Variants in PTPRT observed in about 807,000 individuals in gnomAD.
PTPRT encodes receptor-type tyrosine-protein phosphatase T.
A neutral mutation model predicts 176.8 loss-of-function variants in PTPRT; 56 were observed. That is an observed-to-expected ratio of 0.32 (90% CI 0.26 to 0.40). The LOEUF (loss-of-function observed/expected upper bound fraction) is 0.40, where lower values mean the gene tolerates loss of function less well. Among genes scored for constraint, PTPRT ranks in the 10% least tolerant of loss-of-function variants. PTPRT has a pLI of 1.00. For synonymous variants in PTPRT, 783 were observed against 739.0 expected (o/e 1.06, Z -0.96); for missense variants, 1,540 against 1,908.2 (o/e 0.81, Z 3.60).
intron 9 of PTPRT, among the ~76,000 whole-genome samples, chr20:42,370,816 TG>T (rs2058576911): frequency 6.6e-6 from 1 of 152,184 alleles, no homozygotes; most frequent in Non-Finnish European, 1.5e-5. Flanking sequence ...AGATCACACA[TG>T]GTCTTGCCCT....
chr20:43,092,339 A>G (rs2011913440), intron 1 of PTPRT, among the ~76,000 whole-genome samples: 1 of 152,230 alleles, frequency 6.6e-6, no homozygotes, highest in African/African-American at 2.4e-5. Context: ...TGGCATTTCC[A>G]GATGTCCATT....
chr20:42,470,539 G>C (rs1019592688), intron 8 of PTPRT, among the ~76,000 whole-genome samples: 4 of 152,076 alleles, frequency 2.6e-5, no homozygotes, highest in African/African-American at 9.7e-5. Context: ...CATCCCACAA[G>C]GCAAGAGGCA....
intron 8 of PTPRT, among the ~76,000 whole-genome samples, chr20:42,453,662 T>C (rs2070871350): frequency 7.1e-6 from 1 of 140,178 alleles, no homozygotes; most frequent in East Asian, 2.1e-4. Context: ...TCCTTTTTTT[T>C]CTTTTTCTTT....
At chr20:42,501,157 C>T (rs2071744567) in intron 7 of PTPRT, among the ~76,000 whole-genome samples, 1 of 152,068 alleles carries the variant, frequency 6.6e-6, no homozygotes, top group East Asian at 1.9e-4. Context: ...TTGATAACTT[C>T]ATTGTTTGTA....
chr20:42,426,247 C>A (rs1312270963), intron 9 of PTPRT, among the ~76,000 whole-genome samples: 1 of 152,038 alleles, frequency 6.6e-6, no homozygotes, highest in Non-Finnish European at 1.5e-5. Context: ...AAAACCCAAA[C>A]CCCGGGCTCC....
chr20:42,105,252 A>G (rs1223072328), intron 24 of PTPRT, among the ~76,000 whole-genome samples: 2 of 152,174 alleles, frequency 1.3e-5, no homozygotes, highest in Non-Finnish European at 2.9e-5. Context: ...CAACTTGTTA[A>G]AGTAGCCTTT....
chr20:43,047,922 C>T (rs535237440), intron 1 of PTPRT, among the ~76,000 whole-genome samples: 80 of 152,306 alleles, frequency 5.3e-4, no homozygotes, highest in African/African-American at 1.8e-3. Flanking sequence ...TCAGGACTCT[C>T]TCATCACCAC....
At chr20:42,515,510 T>G (rs1360267342) in intron 7 of PTPRT, among the ~76,000 whole-genome samples, 1 of 151,846 alleles carries the variant, frequency 6.6e-6, no homozygotes, top group East Asian at 1.9e-4. Context: ...CATGGACGAG[T>G]GTTGTTCAGC....
intron 6 of PTPRT, among the ~76,000 whole-genome samples, chr20:42,716,274 G>C (rs2076221719): frequency 6.6e-6 from 1 of 152,112 alleles, no homozygotes; most frequent in Non-Finnish European, 1.5e-5. Context: ...CCCAGTAATG[G>C]GATGGCTGGG....
At chr20:42,239,308 A>G (rs1013318139) in intron 14 of PTPRT, among the ~76,000 whole-genome samples, 1 of 151,792 alleles carries the variant, frequency 6.6e-6, no homozygotes, top group Non-Finnish European at 1.5e-5. Context: ...CATTCCCACT[A>G]TTCTGATGGA....
At chr20:42,810,795 A>G (rs1456008486) in intron 2 of PTPRT, among the ~76,000 whole-genome samples, 1 of 152,226 alleles carries the variant, frequency 6.6e-6, no homozygotes, top group Non-Finnish European at 1.5e-5. Flanking sequence ...TGGAAAAACT[A>G]GATTACTTCC....
chr20:42,590,781 T>C (rs961159764), intron 7 of PTPRT, among the ~76,000 whole-genome samples: 1 of 152,170 alleles, frequency 6.6e-6, no homozygotes, highest in African/African-American at 2.4e-5. Flanking sequence ...TGAGAAAGCC[T>C]GCTCACTTAA....
At chr20:42,941,273 GAAAT>G (rs1440711155) in intron 1 of PTPRT, among the ~76,000 whole-genome samples, 1 of 152,016 alleles carries the variant, frequency 6.6e-6, no homozygotes, top group Non-Finnish European at 1.5e-5. Flanking sequence ...CCTCATCAAT[GAAAT>G]AAGATGGTGA....
chr20:42,697,729 G>C (rs2075904420), intron 6 of PTPRT, among the ~76,000 whole-genome samples: 1 of 152,220 alleles, frequency 6.6e-6, no homozygotes, highest in Non-Finnish European at 1.5e-5. Flanking sequence ...TTGTGGGCAT[G>C]TACACAATAA....
chr20:43,048,757 CCA>C (rs1986934666), intron 1 of PTPRT, among the ~76,000 whole-genome samples: 2 of 152,156 alleles, frequency 1.3e-5, no homozygotes, highest in African/African-American at 4.8e-5. Flanking sequence ...GCCATCTGCT[CCA>C]CAACAGAGAG....
chr20:42,869,792 G>T (rs771417241), intron 2 of PTPRT, among the ~76,000 whole-genome samples: 4 of 152,202 alleles, frequency 2.6e-5, no homozygotes, highest in Non-Finnish European at 5.9e-5. Context: ...AAGTGCAGGT[G>T]TACCTGCAAA....
chr20:42,801,008 GCT>G (rs1474404952), intron 2 of PTPRT, among the ~76,000 whole-genome samples: 1 of 152,078 alleles, frequency 6.6e-6, no homozygotes, highest in Non-Finnish European at 1.5e-5. Flanking sequence ...GTGTCTTTGT[GCT>G]CTTTTTTTCT....
chr20:42,219,053 G>A (rs1002089221), intron 15 of PTPRT, among the ~76,000 whole-genome samples: 6 of 152,106 alleles, frequency 3.9e-5, no homozygotes, highest in Non-Finnish European at 4.4e-5. Context: ...GCACTTAAGC[G>A]CCATAAAATC....
chr20:42,372,439 A>G (rs958862509), intron 9 of PTPRT, among the ~76,000 whole-genome samples: 1 of 151,850 alleles, frequency 6.6e-6, no homozygotes, highest in African/African-American at 2.4e-5. Context: ...ATGCACCACC[A>G]TGCCTAGCTA....
Sources: gnomAD v4.1 joint callset for allele counts (sites outside exome capture counted in the v4.1 genomes callset) on GRCh38, gnomAD v4.1.1 for gene constraint, MANE v1.5 for transcripts, NCBI Gene and HGNC (gene_info 2026-07-23, HGNC 2026-07-21) for gene names.